SEZ6L: variants seen among roughly 807,000 people sequenced by gnomAD.
SEZ6L encodes seizure 6-like protein.
In SEZ6L, 37 loss-of-function variants were observed where a neutral mutation model predicts 106.2. That is an observed-to-expected ratio of 0.35 (90% confidence interval 0.27 to 0.46). The LOEUF is 0.46. SEZ6L is among the 20% of genes least tolerant of loss of function. The pLI is 1.00. For synonymous variants in SEZ6L, 541 were observed against 570.4 expected (o/e 0.95, Z 0.73); for missense variants, 1,172 against 1,332.8 (o/e 0.88, Z 1.88).
intron 3 of SEZ6L, 85 bp downstream of exon 3, chr22:26,294,510 G>A: frequency 7.0e-7 from 1 of 1,429,266 alleles, no homozygotes; most frequent in Non-Finnish European, 9.6e-7. Flanking sequence ...TTACTGTTAT[G>A]CTAACTAGTT....
intron 1 of SEZ6L, among the ~76,000 whole-genome samples, chr22:26,206,149 G>C (rs1941261478): frequency 6.6e-6 from 1 of 152,130 alleles, no homozygotes; most frequent in Admixed American, 6.5e-5. Context: ...ACCACTCTAG[G>C]CAATGCTTCA....
chr22:26,261,981 C>T (rs1247438947), intron 1 of SEZ6L, among the ~76,000 whole-genome samples: 2 of 152,060 alleles, frequency 1.3e-5, no homozygotes, highest in East Asian at 3.9e-4. Flanking sequence ...TTAGCCTCCA[C>T]GATTGGGAAA....
chr22:26,349,696 G>A (rs887705778), intron 11 of SEZ6L, among the ~76,000 whole-genome samples: 3 of 152,116 alleles, frequency 2.0e-5, no homozygotes, highest in African/African-American at 7.2e-5. Context: ...AGAGACAGGG[G>A]TCTTGCTATG....
intron 1 of SEZ6L, among the ~76,000 whole-genome samples, chr22:26,276,757 C>T (rs973362434): frequency 1.8e-4 from 28 of 152,106 alleles, no homozygotes; most frequent in African/African-American, 6.5e-4. Flanking sequence ...CCATGAGATG[C>T]GAAAGCAGTG....
chr22:26,220,999 G>A, intron 1 of SEZ6L, among the ~76,000 whole-genome samples: 1 of 152,006 alleles, frequency 6.6e-6, no homozygotes, highest in East Asian at 1.9e-4. Flanking sequence ...GGGAAGGAAG[G>A]AAAGGTGAAT....
intron 9 of SEZ6L, among the ~76,000 whole-genome samples, chr22:26,322,508 G>C (rs950372572): frequency 6.6e-6 from 1 of 152,186 alleles, no homozygotes; most frequent in Admixed American, 6.5e-5. Context: ...GGAGGTAGAG[G>C]GGAACTAGAT....
intron 13 of SEZ6L, 77 bp from the exon 14 acceptor site, chr22:26,373,374 A>C: frequency 7.6e-7 from 1 of 1,323,038 alleles, no homozygotes; most frequent in Non-Finnish European, 1.1e-6. Flanking sequence ...CTTTTGCATC[A>C]AATTTTTTGG....
At chr22:26,348,092 A>G (rs2083070836) in intron 11 of SEZ6L, among the ~76,000 whole-genome samples, 179 bp downstream of exon 11, 1 of 152,174 alleles carries the variant, frequency 6.6e-6, no homozygotes, top group Non-Finnish European at 1.5e-5. Context: ...TTACAGACTC[A>G]GGTGCCTTCA....
intron 11 of SEZ6L, among the ~76,000 whole-genome samples, chr22:26,348,741 A>AGGAGAGG (rs1569473903): frequency 1.5e-4 from 1 of 6,486 alleles, no homozygotes; most frequent in Non-Finnish European, 3.2e-4. Flanking sequence ...AGGGAAGGGA[A>AGGAGAGG]GAAGGGAGGA....
At chr22:26,228,258 C>T (rs2078693329) in intron 1 of SEZ6L, among the ~76,000 whole-genome samples, 1 of 152,178 alleles carries the variant, frequency 6.6e-6, no homozygotes. Flanking sequence ...CAGGAAATAA[C>T]CATGCTCTAA....
At chr22:26,360,892 A>C (rs1277289584) in intron 12 of SEZ6L, among the ~76,000 whole-genome samples, 2 of 151,916 alleles carry the variant, frequency 1.3e-5, no homozygotes, top group African/African-American at 2.4e-5. Context: ...TGAAAAAAAA[A>C]CAAAAAACAA....
chr22:26,260,779 T>C (rs930101822), intron 1 of SEZ6L, among the ~76,000 whole-genome samples: 1 of 152,212 alleles, frequency 6.6e-6, no homozygotes, highest in Non-Finnish European at 1.5e-5. Flanking sequence ...ATGGTAGTTC[T>C]AGTTTTAGTT....
At chr22:26,338,855 C>CTTTT (rs758792495) in intron 9 of SEZ6L, among the ~76,000 whole-genome samples, 1 of 93,376 alleles carries the variant, frequency 1.1e-5, no homozygotes, top group Non-Finnish European at 2.1e-5. Context: ...CACGCCCGGA[C>CTTTT]TTTTTTTTTT....
intron 12 of SEZ6L, among the ~76,000 whole-genome samples, chr22:26,363,945 G>C (rs1039012175): frequency 1.3e-5 from 2 of 152,298 alleles, no homozygotes; most frequent in African/African-American, 2.4e-5. Context: ...ACTTACATGC[G>C]ATAACTAGAG....
chr22:26,222,514 G>T (rs188890340), intron 1 of SEZ6L, among the ~76,000 whole-genome samples: 3 of 152,216 alleles, frequency 2.0e-5, no homozygotes, highest in Non-Finnish European at 4.4e-5. Context: ...TTGTGTTCTA[G>T]CCACTTGACA....
intron 5 of SEZ6L, among the ~76,000 whole-genome samples, chr22:26,304,146 G>A (rs944012364): frequency 6.6e-6 from 1 of 152,042 alleles, no homozygotes; most frequent in Non-Finnish European, 1.5e-5. Flanking sequence ...GAGGTCAGGA[G>A]TTCGAGACCA....
chr22:26,245,953 C>T (rs919756026), intron 1 of SEZ6L, among the ~76,000 whole-genome samples: 1 of 152,188 alleles, frequency 6.6e-6, no homozygotes, highest in Non-Finnish European at 1.5e-5. Context: ...AAATACTCCA[C>T]GTAGTTAGAA....
intron 15 of SEZ6L, among the ~76,000 whole-genome samples, chr22:26,377,138 T>A (rs900542864): frequency 6.6e-6 from 1 of 151,132 alleles, no homozygotes; most frequent in South Asian, 2.1e-4. Flanking sequence ...ATAAAAAAAA[T>A]AAAACACTTA....
intron 12 of SEZ6L, among the ~76,000 whole-genome samples, chr22:26,358,749 C>T (rs2083518671): frequency 1.3e-5 from 2 of 152,172 alleles, no homozygotes; most frequent in South Asian, 2.1e-4. Context: ...CAACCAGAGG[C>T]GATTTTGCTT....
Sources: gnomAD v4.1 joint callset for allele counts (sites outside exome capture counted in the v4.1 genomes callset) on GRCh38, gnomAD v4.1.1 for gene constraint, MANE v1.5 for transcripts, NCBI Gene and HGNC (gene_info 2026-07-23, HGNC 2026-07-21) for gene names.